Variants in CEP112 observed in about 807,000 individuals in gnomAD.
The protein encoded by CEP112 is centrosomal protein 112, also known as centrosomal protein of 112 kDa.
In CEP112, 127 loss-of-function variants were observed where a neutral mutation model predicts 153.0. The ratio of observed to expected loss-of-function variants is 0.83; its 90% CI spans 0.72 to 0.96. The LOEUF (loss-of-function observed/expected upper bound fraction) is 0.96, where lower values mean the gene tolerates loss of function less well. Ranked by LOEUF, CEP112 falls within the 40% of genes least tolerant of loss-of-function variation. The pLI, the probability that CEP112 is intolerant of heterozygous loss-of-function variation, is 0.00. For synonymous variants in CEP112, 358 were observed against 374.4 expected, an observed-to-expected ratio of 0.96 and a Z score of 0.51; for missense variants, 1,089 against 1,101.2, an observed-to-expected ratio of 0.99 and a Z score of 0.16.
At chr17:65,721,710 C>T (rs1456826933) in intron 23 of CEP112, among the ~76,000 whole-genome samples, 3 of 152,102 alleles carry the variant, frequency 2.0e-5, no homozygotes, top group Admixed American at 6.6e-5. Flanking sequence ...TGCAAGAGAT[C>T]GTTATTGATC....
At chr17:65,733,651 T>C (rs2050639444) in intron 23 of CEP112, among the ~76,000 whole-genome samples, 6 of 152,222 alleles carry the variant, frequency 3.9e-5, no homozygotes, top group Admixed American at 3.9e-4. Flanking sequence ...TTACAAAATA[T>C]TTATGAGCTT....
intron 21 of CEP112, among the ~76,000 whole-genome samples, chr17:65,843,830 A>G (rs779548576): frequency 1.3e-5 from 2 of 152,214 alleles, no homozygotes; most frequent in Non-Finnish European, 2.9e-5. Context: ...TATAAATATC[A>G]AAACATGAAG....
chr17:65,665,497 A>G (rs1299330160), intron 24 of CEP112, among the ~76,000 whole-genome samples: 1 of 152,196 alleles, frequency 6.6e-6, no homozygotes, highest in African/African-American at 2.4e-5. Context: ...AGCCTAGGAT[A>G]CTGCGCGAGG....
At chr17:66,020,289 C>T (rs950733632) in intron 16 of CEP112, among the ~76,000 whole-genome samples, 1 of 152,140 alleles carries the variant, frequency 6.6e-6, no homozygotes, top group East Asian at 1.9e-4. Context: ...ATATACTTAA[C>T]ATTTTGTATT....
chr17:65,880,246 A>G (rs925937102), intron 20 of CEP112, among the ~76,000 whole-genome samples: 4 of 152,228 alleles, frequency 2.6e-5, no homozygotes, highest in African/African-American at 7.2e-5. Context: ...GACCTATAAT[A>G]ACAATAGTTC....
intron 20 of CEP112, among the ~76,000 whole-genome samples, chr17:65,891,560 T>C (rs1483148630): frequency 6.6e-6 from 1 of 152,128 alleles, no homozygotes; most frequent in Non-Finnish European, 1.5e-5. Flanking sequence ...CATCTGCAAG[T>C]CCTGCTGCCT....
At chr17:66,152,857 T>C (rs192655140) in intron 4 of CEP112, among the ~76,000 whole-genome samples, 2 of 152,240 alleles carry the variant, frequency 1.3e-5, no homozygotes, top group Admixed American at 6.5e-5. Context: ...TTGGGTGTGT[T>C]AGGAGCAGAT....
At chr17:65,821,496 T>TTATATATATATATATAATTA (rs1272969469) in intron 21 of CEP112, among the ~76,000 whole-genome samples, 1 of 121,426 alleles carries the variant, frequency 8.2e-6, no homozygotes, top group African/African-American at 3.2e-5. Flanking sequence ...ATATATATAA[T>TTATATATATATATATAATTA]TATATATATA....
chr17:65,729,347 G>C (rs2050361933), intron 23 of CEP112, among the ~76,000 whole-genome samples: 2 of 152,228 alleles, frequency 1.3e-5, no homozygotes, highest in South Asian at 4.1e-4. Flanking sequence ...GTTGTTATGT[G>C]ACATATGACT....
intron 10 of CEP112, among the ~76,000 whole-genome samples, chr17:66,064,750 C>A (rs1315659598): frequency 6.6e-5 from 10 of 152,016 alleles, no homozygotes; most frequent in Non-Finnish European, 1.3e-4. Context: ...ATTTTTAAAA[C>A]CTCATCATTT....
chr17:66,065,699 G>A (rs1284628480), intron 10 of CEP112, among the ~76,000 whole-genome samples: 12 of 149,574 alleles, frequency 8.0e-5, no homozygotes, highest in Admixed American at 6.7e-4. Context: ...GCACGGTCTC[G>A]GCTCACTGCA....
At chr17:65,764,973 CTTATAG>C (rs1352847204) in intron 21 of CEP112, among the ~76,000 whole-genome samples, 1 of 123,702 alleles carries the variant, frequency 8.1e-6, no homozygotes, top group Non-Finnish European at 1.6e-5. Flanking sequence ...CGTAAAATGT[CTTATAG>C]TTATATAATA....
chr17:66,009,586 A>G (rs1217470975), intron 16 of CEP112, among the ~76,000 whole-genome samples: 2 of 152,106 alleles, frequency 1.3e-5, no homozygotes, highest in African/African-American at 4.8e-5. Flanking sequence ...CAGGATTTCT[A>G]CAGTTTTCAG....
rs1051895459 is a variant in CEP112, at chr17:66,168,465, GTGTGTATATA to G, written c.470+6569_470+6578del. Among the ~76,000 whole-genome samples, 19 of 151,014 alleles carry G rather than the reference GTGTGTATATA, an allele frequency of 1.3e-4. No individual in the cohort carries two copies. In the South Asian group the frequency reaches 2.5e-3, roughly 20 times the overall value. ...TATGTGTGTGTATATATGTATATGT[GTGTGTATATA>G]TGTATATATGTGTGTGTGTATATAT... On this transcript the variant is annotated intron_variant, in intron 4 of 26. Coordinates refer to ENST00000535342, the MANE Select transcript of CEP112 (RefSeq NM_001199165.4).
chr17:65,731,301 A>C (rs1291764415), intron 23 of CEP112, among the ~76,000 whole-genome samples: 1 of 152,200 alleles, frequency 6.6e-6, no homozygotes, highest in Non-Finnish European at 1.5e-5. Flanking sequence ...TTGGTTTCCC[A>C]GTGCATATAA....
intron 19 of CEP112, among the ~76,000 whole-genome samples, chr17:65,913,182 ATTT>A (rs1441922445): frequency 6.6e-6 from 1 of 152,184 alleles, no homozygotes; most frequent in Non-Finnish European, 1.5e-5. Flanking sequence ...AAGTTACTAA[ATTT>A]TTTAGAGCTG....
chr17:65,807,304 CAA>C (rs937699294), intron 21 of CEP112, among the ~76,000 whole-genome samples: 41 of 152,258 alleles, frequency 2.7e-4, no homozygotes, highest in African/African-American at 9.6e-4. Context: ...TATGCATGAA[CAA>C]AGAGATGTTC....
At chr17:65,798,548 C>T (rs1398520882) in intron 21 of CEP112, among the ~76,000 whole-genome samples, 1 of 152,170 alleles carries the variant, frequency 6.6e-6, no homozygotes, top group Admixed American at 6.5e-5. Context: ...GGGATATCTC[C>T]CTACTCTCCT....
chr17:65,647,472 CT>C (rs36023443), intron 24 of CEP112, among the ~76,000 whole-genome samples: 53,169 of 111,122 alleles, frequency 0.48, 12,502 homozygotes, highest in African/African-American at 0.62. Context: ...TGTGCCCGGC[CT>C]TTTTTTTTTT....
Sources: allele counts gnomAD v4.1 joint callset (sites outside exome capture counted in the v4.1 genomes callset), GRCh38; gene constraint gnomAD v4.1.1; transcripts MANE v1.5; gene names NCBI Gene and HGNC (gene_info 2026-07-23, HGNC 2026-07-21).